GAREM1: variants seen among roughly 807,000 people sequenced by gnomAD.
The protein encoded by GAREM1 is GRB2 associated regulator of MAPK1 subtype 1.
A neutral mutation model predicts 71.3 loss-of-function variants in GAREM1; 26 were observed. The ratio of observed to expected loss-of-function variants is 0.36; its 90% CI spans 0.27 to 0.51. The LOEUF is 0.51. GAREM1 is among the 20% of genes least tolerant of loss of function. The pLI is 0.95. For synonymous variants in GAREM1, 440 were observed against 433.2 expected (o/e 1.02, Z -0.20); for missense variants, 1,026 against 1,103.1 (o/e 0.93, Z 0.99).
At chr18:32,363,408 T>C (rs1055239009) in intron 2 of GAREM1, among the ~76,000 whole-genome samples, 18 of 152,208 alleles carry the variant, frequency 1.2e-4, no homozygotes, top group African/African-American at 2.9e-4. Context: ...CATAATTGTA[T>C]AGTTAACTAT....
intron 2 of GAREM1, among the ~76,000 whole-genome samples, chr18:32,380,945 T>C (rs1030381571): frequency 3.9e-5 from 6 of 152,056 alleles, no homozygotes; most frequent in Non-Finnish European, 8.8e-5. Context: ...GAATTTGTCA[T>C]AGTACTGAAA....
intron 2 of GAREM1, among the ~76,000 whole-genome samples, chr18:32,363,999 T>TATATATATAC (rs2047894214): frequency 3.0e-5 from 1 of 32,992 alleles, no homozygotes; most frequent in African/African-American, 1.9e-4. Context: ...TATATACATA[T>TATATATATAC]ATATATATAT....
chr18:32,269,502 C>T (rs527935235), intron 5 of GAREM1, among the ~76,000 whole-genome samples: 2 of 152,184 alleles, frequency 1.3e-5, no homozygotes, highest in Non-Finnish European at 2.9e-5. Context: ...TAGAGGGACG[C>T]AAGGATGTTT....
At chr18:32,420,772 A>G (rs980462843) in intron 1 of GAREM1, among the ~76,000 whole-genome samples, 2 of 150,646 alleles carry the variant, frequency 1.3e-5, no homozygotes, top group African/African-American at 4.9e-5. Context: ...AAAAAAAAAT[A>G]GAATCCCAAA....
chr18:32,334,748 TAA>T (rs2047572600), intron 2 of GAREM1, among the ~76,000 whole-genome samples: 1 of 152,298 alleles, frequency 6.6e-6, no homozygotes, highest in East Asian at 1.9e-4. Flanking sequence ...TCTCTTGAGC[TAA>T]ACACAGAAAT....
In GAREM1 at chr18:32,291,796, C is replaced by T. The variant is rs145556138; in HGVS notation, c.394-3593G>A. ...TGAGAATGATAGTTTCCAGCTTCATCCATGTCTCTGCAAAGGACACGAACT... is the reference window on the plus strand; with the variant it reads ...TGAGAATGATAGTTTCCAGCTTCATTCATGTCTCTGCAAAGGACACGAACT... On this transcript the variant is annotated intron_variant, in intron 3 of 5. Transcript: ENST00000269209. Among the ~76,000 whole-genome samples the T allele has an allele frequency of 2.2e-3, 341 of 152,214 alleles. 2 individuals carry two copies. Among genetic ancestry groups the T allele is most frequent in the African/African-American group, 7.9e-3 (326 of 41,518 alleles).
chr18:32,320,952 T>G (rs369133921), intron 2 of GAREM1, among the ~76,000 whole-genome samples: 30 of 152,314 alleles, frequency 2.0e-4, no homozygotes, highest in African/African-American at 7.0e-4. Flanking sequence ...ATCTCGGCAC[T>G]TCTTTCCTTG....
intron 1 of GAREM1, among the ~76,000 whole-genome samples, chr18:32,434,911 T>G (rs947951950): frequency 1.3e-5 from 2 of 152,164 alleles, no homozygotes; most frequent in Admixed American, 1.3e-4. Flanking sequence ...TAGAGAACTC[T>G]GGCAGAGACC....
intron 2 of GAREM1, among the ~76,000 whole-genome samples, chr18:32,349,188 C>A (rs1240446112): frequency 6.6e-6 from 1 of 152,094 alleles, no homozygotes; most frequent in Non-Finnish European, 1.5e-5. Context: ...CTTTGTTCTA[C>A]AAAAATCCAT....
chr18:32,435,792 G>T (rs1397069844), intron 1 of GAREM1, among the ~76,000 whole-genome samples: 1 of 152,196 alleles, frequency 6.6e-6, no homozygotes, highest in Non-Finnish European at 1.5e-5. Context: ...AGGGGTGAAA[G>T]GCAGGTGAGA....
chr18:32,450,799 T>C (rs541978185), intron 1 of GAREM1, among the ~76,000 whole-genome samples: 1 of 152,064 alleles, frequency 6.6e-6, no homozygotes, highest in Non-Finnish European at 1.5e-5. Context: ...AACAATGACA[T>C]GTAAGAGGGA....
At chr18:32,373,800 G>A (rs1023157641) in intron 2 of GAREM1, among the ~76,000 whole-genome samples, 2 of 152,128 alleles carry the variant, frequency 1.3e-5, no homozygotes, top group African/African-American at 4.8e-5. Context: ...ACTGCCAATG[G>A]TGTCAATGTA....
intron 4 of GAREM1, among the ~76,000 whole-genome samples, chr18:32,286,580 T>C (rs1233943123): frequency 2.6e-5 from 4 of 152,194 alleles, no homozygotes; most frequent in Non-Finnish European, 5.9e-5. Flanking sequence ...GATTGCTCTC[T>C]TTTCTTCATG....
At chr18:32,305,367 T>C (rs979170805) in intron 3 of GAREM1, among the ~76,000 whole-genome samples, 1 of 152,192 alleles carries the variant, frequency 6.6e-6, no homozygotes, top group Non-Finnish European at 1.5e-5. Flanking sequence ...TCATTACCGA[T>C]CTTACTGCCT....
At chr18:32,402,617 T>A (rs7243412) in intron 1 of GAREM1, among the ~76,000 whole-genome samples, 3,461 of 152,166 alleles carry the variant, frequency 0.023, 131 homozygotes, top group African/African-American at 0.078. Flanking sequence ...GCTCCACCCT[T>A]AGCCTGTTCC....
intron 1 of GAREM1, among the ~76,000 whole-genome samples, chr18:32,462,712 A>C (rs1055981393): frequency 6.6e-6 from 1 of 152,190 alleles, no homozygotes; most frequent in Non-Finnish European, 1.5e-5. Context: ...TGTTTCTACT[A>C]TGTTTTCTTC....
intron 1 of GAREM1, among the ~76,000 whole-genome samples, chr18:32,459,975 T>C (rs2048937737): frequency 6.6e-6 from 1 of 152,214 alleles, no homozygotes; most frequent in Non-Finnish European, 1.5e-5. Flanking sequence ...CAGTAACAGA[T>C]ATGTTTTAAA....
intron 4 of GAREM1, among the ~76,000 whole-genome samples, chr18:32,273,495 A>T (rs190899951): frequency 6.6e-6 from 1 of 152,322 alleles, no homozygotes; most frequent in Admixed American, 6.5e-5. Context: ...TGCCACCTTC[A>T]AAACTAGGGA....
At position 32,348,581 on chromosome 18, in the gene GAREM1, G is replaced by A. The variant is rs188824127; in HGVS notation, c.263-38258C>T. ...TCTACTAAAAATACGAAAATTAGCT[G>A]GGCGTGGTGGTGCGTGCTTGTAATT... On this transcript the variant is annotated intron_variant, in intron 2 of 5. Coordinates refer to ENST00000269209, the MANE Select transcript of GAREM1 (RefSeq NM_001242409.2). Among the ~76,000 whole-genome samples the A allele has an allele frequency of 7.7e-4, 117 of 152,186 alleles. 1 individual carries two copies. The East Asian group carries it at 0.018, about 24-fold the overall frequency.
Sources: allele counts gnomAD v4.1 joint callset (sites outside exome capture counted in the v4.1 genomes callset), GRCh38; gene constraint gnomAD v4.1.1; transcripts MANE v1.5; gene names NCBI Gene and HGNC (gene_info 2026-07-23, HGNC 2026-07-21).